CACNA1H: variants seen among roughly 807,000 people sequenced by gnomAD.
CACNA1H encodes voltage-dependent T-type calcium channel subunit alpha-1H.
CACNA1H carries 149 observed loss-of-function variants against 192.5 expected under a neutral mutation model. The ratio of observed to expected loss-of-function variants is 0.77; its 90% CI spans 0.68 to 0.89. The LOEUF is 0.89. CACNA1H is among the 40% of genes least tolerant of loss of function. The pLI, the probability that CACNA1H is intolerant of heterozygous loss-of-function variation, is 0.00. For missense variants in CACNA1H, 4,257 were observed against 3,423.5 expected, an observed-to-expected ratio of 1.24 and a Z score of -6.08; for synonymous variants, 2,202 against 1,475.2, an observed-to-expected ratio of 1.49 and a Z score of -11.29.
At position 1,200,842 on chromosome 16, in the gene CACNA1H, C is replaced by T. The variant is rs373178171; in HGVS notation, c.1212+34C>T. ...GGGCGGCAGTGTTCGCCATGATGGG[C>T]CCTGGTGTTAGCTGGCTGGGGGTGG... On this transcript the variant is annotated intron_variant, in intron 8 of 34. Coordinates refer to ENST00000348261, the MANE Select transcript of CACNA1H (RefSeq NM_021098.3). 4.5e-5 allele frequency: 68 copies of T among 1,515,462 alleles called. 1 individual carries two copies. The African/African-American group carries it at 7.9e-4, about 18-fold the overall frequency. 93.9% of individuals were successfully genotyped at this position (1,515,462 alleles called of 1,614,324 possible). A position where few individuals can be genotyped will look rare whatever the true frequency, so the allele number is the denominator to read the frequency against.
At position 1,207,829 on chromosome 16, in the gene CACNA1H, C is replaced by T. The variant is rs781050982; in HGVS notation, c.3123C>T (p.Asp1041=). 6 of 1,600,236 alleles carry T rather than the reference C, an allele frequency of 3.7e-6. No individual in the cohort carries two copies. Among genetic ancestry groups the T allele is most frequent in the African/African-American group, 1.3e-5 (1 of 74,644 alleles). ...AGACGTCGGTCCACTTCGAGGAGGA[C>T]TTCCACAAGCTCAGAGAACTCCAGA... ...EDKTSVHFEE[D]FHKLRELQTT... is the part of the protein sequence containing the mutation. The change falls in exon 15 of 35, where the codon GAC becomes GAT. Residue 1041 remains aspartate, a synonymous_variant. Coordinates refer to ENST00000348261, the MANE Select transcript of CACNA1H (RefSeq NM_021098.3).
chr16:1,193,522 G>A (rs890728757), intron 2 of CACNA1H, among the ~76,000 whole-genome samples: 1 of 152,268 alleles, frequency 6.6e-6, no homozygotes, highest in Non-Finnish European at 1.5e-5. Context: ...CGCAGTGGGT[G>A]CGTCATCGGT....
Position 1,169,845 on chromosome 16 carries a change from C to T in CACNA1H, c.299+15809C>T, listed in dbSNP as rs772145111. On this transcript the variant is annotated intron_variant, in intron 2 of 34. Transcript: ENST00000348261. ...ATCTAGAGCCCAGGACCGGCTTCCCCGTGAGGCCGGACATGGGCGTGTGCG... is the reference window on the plus strand; with the variant it reads ...ATCTAGAGCCCAGGACCGGCTTCCCTGTGAGGCCGGACATGGGCGTGTGCG... Among the ~76,000 whole-genome samples, 9 of 152,258 alleles carry T rather than the reference C, an allele frequency of 5.9e-5. No homozygotes were observed. The South Asian group carries it at 8.3e-4, about 14-fold the overall frequency.
At position 1,167,568 on chromosome 16, in the gene CACNA1H, C is replaced by T. The variant is rs1963924630; in HGVS notation, c.299+13532C>T. ...GCCAAGTCGAGGAAGGCTGGAGCCA[C>T]ACTCCTCACCGCGGCGGTGCCACTA... On this transcript the variant is annotated intron_variant, in intron 2 of 34. Coordinates refer to ENST00000348261, the MANE Select transcript of CACNA1H (RefSeq NM_021098.3). This position sits in a 1 kb window ranked among gnomAD's most constrained non-coding sequence, Gnocchi z 4.2. 6.6e-6 allele frequency among the ~76,000 whole-genome samples: 1 copy of T among 152,210 alleles called. No individual in the cohort carries two copies.
rs1292534637 is a variant in CACNA1H at position 1,215,472 on chromosome 16, G to A, written c.5174-51G>A. The A allele has an allele frequency of 6.9e-6, 11 of 1,593,212 alleles. No homozygotes were observed. The African/African-American group carries it at 8.1e-5, about 12-fold the overall frequency. On this transcript the variant is annotated intron_variant, in intron 29 of 34. Transcript: ENST00000348261. ...GGGGCGGGGCGGCCAGGGTCCCCGCGCAGCAGGGAGGGTCCGCCCAGCCCT... is the reference window on the plus strand; with the variant it reads ...GGGGCGGGGCGGCCAGGGTCCCCGCACAGCAGGGAGGGTCCGCCCAGCCCT...
rs529122240 is a variant in CACNA1H at position 1,200,725 on chromosome 16, C to T, written c.1129C>T (p.Leu377=). 2.8e-5 allele frequency: 43 copies of T among 1,562,614 alleles called. 1 individual carries two copies. In the South Asian group the frequency reaches 2.9e-4, roughly 11 times the overall value. The change falls in exon 8 of 35, where the codon CTG becomes TTG. Residue 377 remains leucine (L), a synonymous_variant. Transcript: ENST00000348261. ...GCCACTGCCCCCCCAGGTGATCACGCTGGAAGGCTGGGTGGACATCATGTA... is the reference window on the plus strand; with the variant it reads ...GCCACTGCCCCCCCAGGTGATCACGTTGGAAGGCTGGGTGGACATCATGTA... ...AWIAIFQVIT[L]EGWVDIMYYV...
At chr16:1,216,098 GT>G (rs970155850) in intron 30 of CACNA1H, among the ~76,000 whole-genome samples, 5 of 152,012 alleles carry the variant, frequency 3.3e-5, no homozygotes, top group Non-Finnish European at 2.9e-5. Flanking sequence ...TCCAACCCCC[GT>G]GTGTCCGTCC....
chr16:1,176,540 G>C (rs1401476288), intron 2 of CACNA1H, among the ~76,000 whole-genome samples: 1 of 152,250 alleles, frequency 6.6e-6, no homozygotes, highest in African/African-American at 2.4e-5. Context: ...CCCATGCTCA[G>C]AGGTGACGGG....
At chr16:1,212,586 G>A (rs1969588655) in intron 26 of CACNA1H, 58 bp downstream of exon 26, 1 of 1,577,646 alleles carries the variant, frequency 6.3e-7, no homozygotes, top group Non-Finnish European at 8.6e-7. Flanking sequence ...GCTCGGGGAA[G>A]GGCGGGCATC....
At chr16:1,184,197 G>A (rs1407714648) in intron 2 of CACNA1H, among the ~76,000 whole-genome samples, 1 of 152,230 alleles carries the variant, frequency 6.6e-6, no homozygotes, top group Non-Finnish European at 1.5e-5. Flanking sequence ...CCAGCCTGCC[G>A]CATGCATGGG....
At position 1,167,853 on chromosome 16, in the gene CACNA1H, C is replaced by G. The variant is rs374394472; in HGVS notation, c.299+13817C>G. ...GAGGTTGGGGCGTGGCCTGGCCGTC[C>G]GTCCGCGGGGCCCGGGCTGCCCATG... is the stretch of plus-strand genomic sequence containing the variant. On this transcript the variant is annotated intron_variant, in intron 2 of 34. Coordinates refer to ENST00000348261, the MANE Select transcript of CACNA1H (RefSeq NM_021098.3). This position sits in a 1 kb window ranked among gnomAD's most constrained non-coding sequence, Gnocchi z 4.2. Among the ~76,000 whole-genome samples the G allele has an allele frequency of 1.7e-3, 252 of 152,274 alleles. No homozygotes were observed. The highest frequency in any genetic ancestry group is 5.8e-3 in the African/African-American group (242 of 41,570).
Position 1,200,405 on chromosome 16 carries a change from G to T in CACNA1H, c.953G>T (p.Gly318Val). Residue 318 changes from glycine (G) to valine (V), a missense_variant, in exon 7 of 35, where the codon GGC becomes GTC. Coordinates refer to ENST00000348261, the MANE Select transcript of CACNA1H (RefSeq NM_021098.3). Reference protein sequence around the residue: ...RRELRMPCTLGWEAYTQPQAE... With the variant: ...RRELRMPCTLVWEAYTQPQAE... ...GAGCTGCGCATGCCCTGCACCCTGG[G>T]CTGGGAGGCCTACACGCAGCCGCAG... 6.2e-7 allele frequency: 1 copy of T among 1,608,280 alleles called. No homozygotes were observed. The highest frequency in any genetic ancestry group is 2.2e-5 in the East Asian group (1 of 44,754).
At chr16:1,155,247 C>T (rs982083852) in intron 2 of CACNA1H, among the ~76,000 whole-genome samples, 7 of 152,218 alleles carry the variant, frequency 4.6e-5, no homozygotes, top group African/African-American at 1.4e-4. Context: ...CAGCCGGCCC[C>T]GGCCAGAGGG....
intron 6 of CACNA1H, 75 bp downstream of exon 6, chr16:1,198,849 T>C: frequency 7.1e-7 from 1 of 1,415,214 alleles, no homozygotes; most frequent in Non-Finnish European, 9.6e-7. Flanking sequence ...ACCATGTGGC[T>C]CCACCGCCCC....
Position 1,218,967 on chromosome 16 carries a change from C to G in CACNA1H, c.5888-3C>G. 1.9e-6 allele frequency: 3 copies of G among 1,549,948 alleles called. No homozygotes were observed. Among genetic ancestry groups the G allele is most frequent in the Non-Finnish European group, 2.6e-6 (3 of 1,146,852 alleles). On this transcript the variant is annotated splice_region_variant and splice_polypyrimidine_tract_variant and intron_variant, in intron 33 of 34. Transcript: ENST00000348261. ...TGCCAGCTTAGATTCTTCCCTGCCC[C>G]AGGCTCCGTTGCCTCTGTGCACTCT...
chr16:1,171,123 C>T lies in CACNA1H; in HGVS notation c.299+17087C>T, dbSNP rs559964740. On this transcript the variant is annotated intron_variant, in intron 2 of 34. Coordinates refer to ENST00000348261, the MANE Select transcript of CACNA1H (RefSeq NM_021098.3). ...TTGTCCCTGCTGAGCCCCTCCCCTCCCCTAGTGCCTTCCCACCCGCACCCC... is the reference window on the plus strand; with the variant it reads ...TTGTCCCTGCTGAGCCCCTCCCCTCTCCTAGTGCCTTCCCACCCGCACCCC... Among the ~76,000 whole-genome samples the T allele has an allele frequency of 5.9e-5, 9 of 152,294 alleles. No homozygotes were observed. The East Asian group carries it at 1.7e-3, about 29-fold the overall frequency.
chr16:1,161,198 C>T (rs770286313), intron 2 of CACNA1H, among the ~76,000 whole-genome samples: 1 of 152,236 alleles, frequency 6.6e-6, no homozygotes, highest in Non-Finnish European at 1.5e-5. Context: ...GTGGGTGCTT[C>T]TGCCGTTGGC....
intron 12 of CACNA1H, 44 bp from the exon 13 acceptor site, chr16:1,206,957 C>G: frequency 1.3e-6 from 1 of 783,582 alleles, no homozygotes. Flanking sequence ...CCGCTCAGCA[C>G]ACCCCTGCCT....
chr16:1,172,201 C>T (rs1466630602), intron 2 of CACNA1H, among the ~76,000 whole-genome samples: 1 of 152,182 alleles, frequency 6.6e-6, no homozygotes, highest in East Asian at 1.9e-4. Context: ...TCCGGCTGGC[C>T]CAGGGCGAGT....
Sources: gnomAD v4.1 joint callset for allele counts (sites outside exome capture counted in the v4.1 genomes callset) on GRCh38, gnomAD v4.1.1 for gene constraint, Gnocchi (gnomAD v3.1) non-coding constraint, MANE v1.5 for transcripts, NCBI Gene and HGNC (gene_info 2026-07-23, HGNC 2026-07-21) for gene names.